Variants in GRIP2 observed in about 807,000 individuals in gnomAD.
GRIP2 encodes glutamate receptor interacting protein 2.
Under a neutral mutation model 108.3 loss-of-function variants are expected in GRIP2, and 58 were observed. The observed-to-expected ratio is 0.54, with a 90% CI of 0.43 to 0.67. The LOEUF is 0.67. GRIP2 is among the 30% of genes least tolerant of loss of function. The pLI is 0.00. For synonymous variants in GRIP2, 586 were observed against 598.2 expected, an observed-to-expected ratio of 0.98 and a Z score of 0.30; for missense variants, 1,278 against 1,430.6, an observed-to-expected ratio of 0.89 and a Z score of 1.72.
the GRIP2 span, among the ~76,000 whole-genome samples, chr3:14,572,525 T>C: frequency 2.2e-5 from 3 of 134,178 alleles, no homozygotes; most frequent in Non-Finnish European, 3.1e-5. Flanking sequence ...GGCAGGAGAA[T>C]GGCGTGAACC....
intron 21 of GRIP2, among the ~76,000 whole-genome samples, chr3:14,501,309 G>A (rs1348175182): frequency 6.6e-6 from 1 of 152,132 alleles, no homozygotes; most frequent in Non-Finnish European, 1.5e-5. Flanking sequence ...TATAACAAAA[G>A]CCACTAAACT....
Position 14,521,428 on chromosome 3 carries a change from A to G in GRIP2, c.712+214T>C. The G allele has an allele frequency of 1.9e-6, 1 of 534,184 alleles. No homozygotes were observed. Among genetic ancestry groups the G allele is most frequent in the Non-Finnish European group, 3.3e-6 (1 of 305,882 alleles). The allele number at this position is 534,184 out of a possible 1,614,324, so 33.1% of individuals were successfully genotyped here. On this transcript the variant is annotated intron_variant, in intron 7 of 23. Transcript: ENST00000621039. The surrounding 1 kb of genome is among the most constrained non-coding windows in gnomAD (Gnocchi z 5.1). ...TCTCCACCAGAATGCCAGCTCCATGAGAACAGACACCTCAATTCTGTTGTT... is the reference window on the plus strand; with the variant it reads ...TCTCCACCAGAATGCCAGCTCCATGGGAACAGACACCTCAATTCTGTTGTT...
At chr3:14,523,346 A>C in intron 5 of GRIP2, 1 of 573,166 alleles carries the variant, frequency 1.7e-6, no homozygotes, top group East Asian at 2.9e-5. Context: ...CCTGATCTCT[A>C]GGAAGCTCCA....
At chr3:14,550,244 C>T (rs180805959) in intron 1 of GRIP2, among the ~76,000 whole-genome samples, 1 of 152,308 alleles carries the variant, frequency 6.6e-6, no homozygotes, top group Non-Finnish European at 1.5e-5. Context: ...CACCTCTGAG[C>T]CTTTTTATCA....
intron 17 of GRIP2, among the ~76,000 whole-genome samples, chr3:14,509,228 C>A (rs929613745): frequency 2.6e-5 from 4 of 152,338 alleles, no homozygotes; most frequent in Admixed American, 2.6e-4. Flanking sequence ...ACCGCCCGCT[C>A]GTTGCTGTGC....
At chr3:14,518,920 G>A (rs576022367) in intron 9 of GRIP2, among the ~76,000 whole-genome samples, 8 of 152,352 alleles carry the variant, frequency 5.3e-5, no homozygotes, top group Admixed American at 3.9e-4. Context: ...AACATGCTTA[G>A]AGCAGTGCCT....
the GRIP2 span, among the ~76,000 whole-genome samples, chr3:14,595,989 T>C: frequency 6.6e-6 from 1 of 152,252 alleles, no homozygotes; most frequent in African/African-American, 2.4e-5. Flanking sequence ...CCCATGAGGC[T>C]CTATATCCAG....
chr3:14,573,516 C>A, the GRIP2 span: 2 of 1,531,874 alleles, frequency 1.3e-6, no homozygotes, highest in Non-Finnish European at 1.8e-6. Context: ...ATCATCCATG[C>A]AGTGCACCTG....
At chr3:14,541,952 G>C (rs929504354), upstream of GRIP2, 27 of 1,349,020 alleles carry the variant, frequency 2.0e-5, no homozygotes, top group Non-Finnish European at 2.5e-5. Flanking sequence ...GGGCACAGAG[G>C]CCACTCTGGA....
chr3:14,563,195 T>G, the GRIP2 span, among the ~76,000 whole-genome samples: 1 of 151,844 alleles, frequency 6.6e-6, no homozygotes, highest in South Asian at 2.1e-4. Flanking sequence ...ATGAAGAAAT[T>G]ATGGTTAATT....
chr3:14,497,617 G>T (rs930981095), intron 21 of GRIP2, among the ~76,000 whole-genome samples: 23 of 152,240 alleles, frequency 1.5e-4, no homozygotes, highest in African/African-American at 5.5e-4. Flanking sequence ...GCAGCAGGGA[G>T]CCCCTGAAGG....
chr3:14,557,452 G>A (rs1048121348), upstream of GRIP2, among the ~76,000 whole-genome samples: 1 of 152,220 alleles, frequency 6.6e-6, no homozygotes, highest in African/African-American at 2.4e-5. Context: ...GCATCAGGAG[G>A]CACTACTGGC....
the GRIP2 span, chr3:14,574,064 G>T: frequency 6.7e-7 from 1 of 1,502,704 alleles, no homozygotes; most frequent in Non-Finnish European, 9.2e-7. Flanking sequence ...GCACGTACTT[G>T]ACGTTCTCGT....
the GRIP2 span, among the ~76,000 whole-genome samples, chr3:14,577,389 G>GAGACAGGA: frequency 6.6e-6 from 1 of 152,232 alleles, no homozygotes; most frequent in African/African-American, 2.4e-5. Flanking sequence ...TAGAGAGGCA[G>GAGACAGGA]AGACAGGAAG....
intron 10 of GRIP2, 86 bp from the exon 11 acceptor site, chr3:14,517,299 AC>A: frequency 7.3e-7 from 1 of 1,364,876 alleles, no homozygotes; most frequent in Non-Finnish European, 9.8e-7. Flanking sequence ...CCACCCAACC[AC>A]AGGGAGAGAT....
the GRIP2 span, among the ~76,000 whole-genome samples, chr3:14,565,487 A>G: frequency 3.3e-5 from 5 of 152,226 alleles, no homozygotes; most frequent in South Asian, 1.0e-3. Context: ...CAGCCTCCAC[A>G]TGGCAACAAG....
chr3:14,599,410 C>T, the GRIP2 span, among the ~76,000 whole-genome samples: 185 of 152,300 alleles, frequency 1.2e-3, 2 homozygotes, highest in Middle Eastern at 0.02. Flanking sequence ...CAGCGCCTTC[C>T]TCCTCTGAGC....
intron 21 of GRIP2, among the ~76,000 whole-genome samples, chr3:14,503,047 T>C (rs1693808726): frequency 6.6e-6 from 1 of 152,208 alleles, no homozygotes; most frequent in Non-Finnish European, 1.5e-5. Flanking sequence ...CACTGAGCAA[T>C]ATTGACCTTA....
At chr3:14,579,039 A>G in the GRIP2 span, among the ~76,000 whole-genome samples, 1 of 152,192 alleles carries the variant, frequency 6.6e-6, no homozygotes, top group Non-Finnish European at 1.5e-5. Flanking sequence ...GGCTTTATCC[A>G]CAGCATCCCA....
Sources: allele counts gnomAD v4.1 joint callset (sites outside exome capture counted in the v4.1 genomes callset), GRCh38; gene constraint gnomAD v4.1.1; non-coding constraint Gnocchi (gnomAD v3.1); transcripts MANE v1.5; gene names NCBI Gene and HGNC (gene_info 2026-07-23, HGNC 2026-07-21).